The following SH3RF3 variants were observed in gnomAD, a reference collection of about 807,000 sequenced individuals.
SH3RF3 encodes E3 ubiquitin-protein ligase SH3RF3.
Under a neutral mutation model 66.3 loss-of-function variants are expected in SH3RF3, and 29 were observed. That is an observed-to-expected ratio of 0.44 (90% CI 0.33 to 0.60). SH3RF3 has a LOEUF of 0.60. SH3RF3 is among the 20% of genes least tolerant of loss of function. SH3RF3 has a pLI of 0.04. For missense variants in SH3RF3, 1,194 were observed against 1,190.9 expected (o/e 1.00, Z -0.04); for synonymous variants, 583 against 532.0 (o/e 1.10, Z -1.32).
In SH3RF3 at chr2:109,461,039, G is replaced by A. The variant is rs1041168939; in HGVS notation, c.2148+11550G>A. 1.1e-4 allele frequency among the ~76,000 whole-genome samples: 16 copies of A among 152,350 alleles called. No individual in the cohort carries two copies. The East Asian group carries it at 2.7e-3, about 26-fold the overall frequency. On this transcript the variant is annotated intron_variant, in intron 8 of 9. Transcript: ENST00000309415. ...TATGGAACTGCCCAGGAGGCCACAG[G>A]TGCAGGCTGGGAGAGAGAAGGCAGC...
At chr2:109,473,865 G>A (rs1432118184) in intron 8 of SH3RF3, among the ~76,000 whole-genome samples, 1 of 152,004 alleles carries the variant, frequency 6.6e-6, no homozygotes, top group Admixed American at 6.5e-5. Context: ...CGCTCTCCTT[G>A]TGCCCCTGAA....
Position 109,211,224 on chromosome 2 carries a change from G to A in SH3RF3, c.573+81111G>A, listed in dbSNP as rs569043342. ...CTCCTTGGCTGGGATAAAAGGCAAGGAGGCAACCCTGATAAATGGCAGCTG... is the reference window on the plus strand; with the variant it reads ...CTCCTTGGCTGGGATAAAAGGCAAGAAGGCAACCCTGATAAATGGCAGCTG... On this transcript the variant is annotated intron_variant, in intron 1 of 9. Transcript: ENST00000309415. 3.3e-5 allele frequency among the ~76,000 whole-genome samples: 5 copies of A among 152,324 alleles called. No individual in the cohort carries two copies. In the South Asian group the frequency reaches 1.0e-3, roughly 32 times the overall value.
intron 1 of SH3RF3, among the ~76,000 whole-genome samples, chr2:109,343,744 C>CTT (rs35606755): frequency 1.1e-3 from 158 of 143,784 alleles, no homozygotes; most frequent in South Asian, 4.5e-3. Flanking sequence ...CCCTGGTTTC[C>CTT]TTTTTTTTTT....
chr2:109,503,624 G>A lies in SH3RF3; in HGVS notation c.*1953G>A, dbSNP rs1679453069. 2 of 152,334 alleles carry A rather than the reference G, an allele frequency of 1.3e-5. No homozygotes were observed. Among genetic ancestry groups the A allele is most frequent in the East Asian group, 1.9e-4 (1 of 5,184 alleles). The allele number at this position is 152,334 out of a possible 1,614,324, so 9.4% of individuals were successfully genotyped here. On this transcript the variant is annotated 3_prime_UTR_variant, in exon 10 of 10. Coordinates refer to ENST00000309415, the MANE Select transcript of SH3RF3 (RefSeq NM_001099289.3). The stretch of plus-strand genomic sequence containing the variant: ...CATCCTGCACCAAAATCCTGTGCGT[G>A]TTTAAATTCACGTTGTCACCAAAGA...
chr2:109,394,422 G>C (rs183173249), intron 3 of SH3RF3, among the ~76,000 whole-genome samples: 53 of 152,278 alleles, frequency 3.5e-4, no homozygotes, highest in Admixed American at 3.2e-3. Flanking sequence ...GTTCCCAAGA[G>C]CATCGGACTA....
chr2:109,301,261 T>C (rs1390476376), intron 1 of SH3RF3, among the ~76,000 whole-genome samples: 1 of 151,464 alleles, frequency 6.6e-6, no homozygotes, highest in East Asian at 2.0e-4. Context: ...CTTTCTCCCG[T>C]GTGGCCACAC....
At chr2:109,422,271 T>C (rs1017997021) in intron 5 of SH3RF3, among the ~76,000 whole-genome samples, 1 of 152,188 alleles carries the variant, frequency 6.6e-6, no homozygotes, top group East Asian at 1.9e-4. Flanking sequence ...AGGGCCCAGA[T>C]GGGGCTGATG....
chr2:109,385,374 A>G (rs1675796545), intron 3 of SH3RF3, among the ~76,000 whole-genome samples: 1 of 152,220 alleles, frequency 6.6e-6, no homozygotes, highest in African/African-American at 2.4e-5. Context: ...GTCACCTCCC[A>G]TGTCACTCTG....
chr2:109,149,275 C>T (rs558357190), intron 1 of SH3RF3, among the ~76,000 whole-genome samples: 20 of 152,276 alleles, frequency 1.3e-4, no homozygotes, highest in Non-Finnish European at 2.5e-4. Flanking sequence ...CCCCGGGACC[C>T]GTTCTCTGGG....
chr2:109,262,222 T>G (rs1416115686), intron 1 of SH3RF3, among the ~76,000 whole-genome samples: 1 of 152,230 alleles, frequency 6.6e-6, no homozygotes, highest in East Asian at 1.9e-4. Context: ...AACATCATGA[T>G]TCTGCATTTA....
At chr2:109,398,162 G>A (rs1208617765) in intron 3 of SH3RF3, among the ~76,000 whole-genome samples, 1 of 152,190 alleles carries the variant, frequency 6.6e-6, no homozygotes, top group Non-Finnish European at 1.5e-5. Context: ...CCGGGGACCT[G>A]CAGTGCTCAG....
intron 4 of SH3RF3, among the ~76,000 whole-genome samples, chr2:109,410,377 A>G (rs1397551734): frequency 6.6e-6 from 1 of 152,256 alleles, no homozygotes; most frequent in Non-Finnish European, 1.5e-5. Context: ...GGCACTGCAC[A>G]GTCAGACTGA....
chr2:109,395,820 C>G lies in SH3RF3; in HGVS notation c.946-2770C>G, dbSNP rs113900318. Among the ~76,000 whole-genome samples, 390 of 152,316 alleles carry G rather than the reference C, an allele frequency of 2.6e-3. 2 individuals carry two copies. Among genetic ancestry groups the G allele is most frequent in the African/African-American group, 8.9e-3 (370 of 41,564 alleles). Reference sequence around the variant, plus strand: ...TGGAAATCCATGCTGACATTCAGATCAGGGCCCCATCTCTTCTGGACTTGC... The same window carrying G: ...TGGAAATCCATGCTGACATTCAGATGAGGGCCCCATCTCTTCTGGACTTGC... On this transcript the variant is annotated intron_variant, in intron 3 of 9. Coordinates refer to ENST00000309415, the MANE Select transcript of SH3RF3 (RefSeq NM_001099289.3).
chr2:109,263,452 A>G (rs957523100), intron 1 of SH3RF3, among the ~76,000 whole-genome samples: 3 of 152,202 alleles, frequency 2.0e-5, no homozygotes, highest in Non-Finnish European at 4.4e-5. Context: ...CAAATAAGTA[A>G]TGAAATAGTA....
At chr2:109,166,409 G>A (rs922825080) in intron 1 of SH3RF3, among the ~76,000 whole-genome samples, 1 of 151,516 alleles carries the variant, frequency 6.6e-6, no homozygotes, top group East Asian at 1.9e-4. Context: ...CGTGGGAGGC[G>A]GAGGTTGTGG....
intron 1 of SH3RF3, among the ~76,000 whole-genome samples, chr2:109,285,573 G>A (rs139096625): frequency 1.3e-5 from 2 of 152,326 alleles, no homozygotes; most frequent in African/African-American, 4.8e-5. Context: ...GAGGTGGTGC[G>A]TCATGTTCTG....
chr2:109,394,180 G>T (rs1573216486), intron 3 of SH3RF3, among the ~76,000 whole-genome samples: 1 of 152,372 alleles, frequency 6.6e-6, no homozygotes, highest in South Asian at 2.1e-4. Flanking sequence ...AGACAGTTCT[G>T]TGGTTGGAAA....
In SH3RF3 at chr2:109,187,161, C is replaced by T. The variant is rs1678212384; in HGVS notation, c.573+57048C>T. ...AGGACTCTGTCCCCACGGTGCTGAC[C>T]ACTTCGTCGTCATTACAAGAAAGTA... is the stretch of plus-strand genomic sequence containing the variant. On this transcript the variant is annotated intron_variant, in intron 1 of 9. Coordinates refer to ENST00000309415, the MANE Select transcript of SH3RF3 (RefSeq NM_001099289.3). Among the ~76,000 whole-genome samples the T allele has an allele frequency of 2.0e-5, 3 of 152,226 alleles. No individual in the cohort carries two copies. The South Asian group carries it at 6.2e-4, about 31-fold the overall frequency.
chr2:109,371,080 A>G (rs1381522794), intron 2 of SH3RF3, among the ~76,000 whole-genome samples: 1 of 152,224 alleles, frequency 6.6e-6, no homozygotes, highest in African/African-American at 2.4e-5. Flanking sequence ...CTTTGCAGCT[A>G]TAATCAATAG....
Sources: allele counts gnomAD v4.1 joint callset (sites outside exome capture counted in the v4.1 genomes callset), GRCh38; gene constraint gnomAD v4.1.1; transcripts MANE v1.5; gene names NCBI Gene and HGNC (gene_info 2026-07-23, HGNC 2026-07-21).